The following ATG3 variants were observed in gnomAD, a reference collection of about 807,000 sequenced individuals.
The protein encoded by ATG3 is ubiquitin-like-conjugating enzyme ATG3.
In ATG3, 25 loss-of-function variants were observed where a neutral mutation model predicts 50.7. That is an observed-to-expected ratio of 0.49 (90% CI 0.36 to 0.69). The LOEUF is 0.69. ATG3 is among the 30% of genes least tolerant of loss of function. ATG3 has a pLI of 0.00. For synonymous variants in ATG3, 119 were observed against 125.5 expected, an observed-to-expected ratio of 0.95 and a Z score of 0.34; for missense variants, 281 against 376.0, an observed-to-expected ratio of 0.75 and a Z score of 2.09.
chr3:112,533,722 A>G (rs1388219816), intron 11 of ATG3: 1 of 985,280 alleles, frequency 1.0e-6, no homozygotes. Context: ...CTTGGGCATT[A>G]ACTTGAATGT....
rs182744613 is a variant in ATG3, at chr3:112,534,422, G to A, written c.795-85C>T. The A allele has an allele frequency of 1.7e-5, 19 of 1,133,854 alleles. No homozygotes were observed. In the African/African-American group the frequency reaches 2.0e-4, roughly 12 times the overall value. The allele number at this position is 1,133,854 out of a possible 1,614,324, so 70.2% of individuals were successfully genotyped here. A position where few individuals can be genotyped will look rare whatever the true frequency, so the allele number is the denominator to read the frequency against. Reference sequence around the variant, plus strand: ...ACATATTTTCATTTGTAAAGAAATCGACCCTATTACTCTCAGTGAATTAAT... The same window carrying A: ...ACATATTTTCATTTGTAAAGAAATCAACCCTATTACTCTCAGTGAATTAAT... On this transcript the variant is annotated intron_variant, in intron 10 of 11. Transcript: ENST00000283290.
intron 5 of ATG3, among the ~76,000 whole-genome samples, chr3:112,544,584 G>A (rs1933321247): frequency 7.1e-6 from 1 of 140,626 alleles, no homozygotes; most frequent in African/African-American, 2.5e-5. Flanking sequence ...GACCCGGAAG[G>A]TGGAGGTTGC....
chr3:112,542,001 T>C (rs1933244152), intron 6 of ATG3, 117 bp from the exon 7 acceptor site: 1 of 711,340 alleles, frequency 1.4e-6, no homozygotes, highest in Non-Finnish European at 2.2e-6. Flanking sequence ...AGGCAGTTCT[T>C]GTCCACAAAA....
chr3:112,538,416 G>C, intron 7 of ATG3: 2 of 432,082 alleles, frequency 4.6e-6, no homozygotes, highest in Non-Finnish European at 4.2e-6. Context: ...GTCCTCAGTG[G>C]CTCCACAGTG....
At chr3:112,542,046 A>G (rs1044211316) in intron 6 of ATG3, among the ~76,000 whole-genome samples, 162 bp from the exon 7 acceptor site, 1 of 152,204 alleles carries the variant, frequency 6.6e-6, no homozygotes, top group Non-Finnish European at 1.5e-5. Context: ...GAATTCATAT[A>G]TCAGTCATTA....
chr3:112,543,248 T>C (rs574571772), intron 6 of ATG3, among the ~76,000 whole-genome samples: 7 of 152,210 alleles, frequency 4.6e-5, no homozygotes, highest in African/African-American at 1.7e-4. Context: ...GTTAAAAAAA[T>C]AATTAAGACA....
Position 112,550,122 on chromosome 3 carries a change from G to A in ATG3, c.235+70C>T, listed in dbSNP as rs1255754548. On this transcript the variant is annotated intron_variant, in intron 4 of 11. Coordinates refer to ENST00000283290, the MANE Select transcript of ATG3 (RefSeq NM_022488.5). ...CTAAGGAAAAAATTTTCAAGCAATA[G>A]AAAAACCGAGAGCTTCATTTTAATA... is the stretch of plus-strand genomic sequence containing the variant. The A allele has an allele frequency of 3.4e-6, 4 of 1,170,478 alleles. No individual in the cohort carries two copies. The African/African-American group carries it at 6.3e-5, about 19-fold the overall frequency. 72.5% of individuals were successfully genotyped at this position (1,170,478 alleles called of 1,614,324 possible). A position where few individuals can be genotyped will look rare whatever the true frequency, so the allele number is the denominator to read the frequency against.
In ATG3 at chr3:112,551,394, T is replaced by C. The variant is rs146847569; in HGVS notation, c.165-1132A>G. On this transcript the variant is annotated intron_variant, in intron 3 of 11. Coordinates refer to ENST00000283290, the MANE Select transcript of ATG3 (RefSeq NM_022488.5). ...ACTTGTGCACGTGAAGGCATAAGCA[T>C]GGAAATAACCTGGCTCTAGTGCTGA... is the stretch of plus-strand genomic sequence containing the variant. 1.5e-3 allele frequency among the ~76,000 whole-genome samples: 227 copies of C among 152,344 alleles called. 2 individuals are homozygous for C. The highest frequency in any genetic ancestry group is 3.0e-3 in the Admixed American group (46 of 15,308).
intron 9 of ATG3, among the ~76,000 whole-genome samples, chr3:112,536,920 C>CAAAAAAAAAAAAAAA (rs56353465): frequency 1.5e-5 from 1 of 68,404 alleles, no homozygotes; most frequent in African/African-American, 6.3e-5. Flanking sequence ...GACTCCATCT[C>CAAAAAAAAAAAAAAA]AAAAAAAAAA....
chr3:112,539,595 T>C (rs1232166985), intron 7 of ATG3, among the ~76,000 whole-genome samples: 2 of 152,218 alleles, frequency 1.3e-5, no homozygotes, highest in Admixed American at 6.5e-5. Context: ...TTATAACTAA[T>C]ACTGTATATA....
rs1350977414 is a variant in ATG3, at chr3:112,543,848, A to G, written c.393+209T>C. 4 of 387,418 alleles carry G rather than the reference A, an allele frequency of 1.0e-5. No individual in the cohort carries two copies. The South Asian group carries it at 3.1e-4, about 30-fold the overall frequency. 24.0% of individuals were successfully genotyped at this position (387,418 alleles called of 1,614,324 possible). On this transcript the variant is annotated intron_variant, in intron 6 of 11. Transcript: ENST00000283290. ...AACCATACTACAAATTAAGGAAAATAAGAGATGCATTAGGCAGCAGTAGTG... is the reference window on the plus strand; with the variant it reads ...AACCATACTACAAATTAAGGAAAATGAGAGATGCATTAGGCAGCAGTAGTG...
intron 10 of ATG3, 189 bp from the exon 11 acceptor site, chr3:112,534,526 T>C (rs1052495582): frequency 3.2e-5 from 11 of 345,434 alleles, no homozygotes; most frequent in Non-Finnish European, 4.6e-5. Context: ...AGTTAAATTA[T>C]AAAATATCTC....
At chr3:112,540,037 G>A (rs1256963378) in intron 7 of ATG3, among the ~76,000 whole-genome samples, 1 of 152,186 alleles carries the variant, frequency 6.6e-6, no homozygotes, top group Non-Finnish European at 1.5e-5. Context: ...AGGGGGAAAT[G>A]AAACTGAAAT....
Position 112,545,480 on chromosome 3 carries a change from G to T in ATG3, c.344-1374C>A, listed in dbSNP as rs1013471535. Among the ~76,000 whole-genome samples, 14 of 152,286 alleles carry T rather than the reference G, an allele frequency of 9.2e-5. No individual in the cohort carries two copies. The South Asian group carries it at 2.7e-3, about 29-fold the overall frequency. On this transcript the variant is annotated intron_variant, in intron 5 of 11. Coordinates refer to ENST00000283290, the MANE Select transcript of ATG3 (RefSeq NM_022488.5). ...AATCTTCTAAAATTTTGAGATGTCTGTTCAACATGCCTAAACAAAATAAAT... is the reference window on the plus strand; with the variant it reads ...AATCTTCTAAAATTTTGAGATGTCTTTTCAACATGCCTAAACAAAATAAAT...
intron 2 of ATG3, among the ~76,000 whole-genome samples, chr3:112,556,995 G>C (rs1302304104): frequency 6.6e-6 from 1 of 150,642 alleles, no homozygotes; most frequent in East Asian, 1.9e-4. Context: ...CCCCCTCTGC[G>C]AGAAACACCC....
Position 112,561,850 on chromosome 3 carries a change from C to T in ATG3, c.-322G>A, listed in dbSNP as rs533438604. On this transcript the variant is annotated 5_prime_UTR_variant, in exon 1 of 12. Coordinates refer to ENST00000283290, the MANE Select transcript of ATG3 (RefSeq NM_022488.5). ...GAGAAGCGGACGCACACGCACCCCT[C>T]GCCCTCTGCGAGCTGTCTGTCCTCG... The T allele has an allele frequency of 8.5e-4, 307 of 359,328 alleles. No individual in the cohort carries two copies. Among genetic ancestry groups the T allele is most frequent in the Admixed American group, 1.2e-3 (23 of 19,232 alleles). The allele number at this position is 359,328 out of a possible 1,614,324, so 22.3% of individuals were successfully genotyped here. A position where few individuals can be genotyped will look rare whatever the true frequency, so the allele number is the denominator to read the frequency against.
intron 9 of ATG3, chr3:112,537,519 T>C (rs1933103185): frequency 5.3e-6 from 2 of 375,132 alleles, no homozygotes; most frequent in Non-Finnish European, 9.3e-6. Flanking sequence ...TAATAGATTA[T>C]TTCTGTTTAT....
rs940842670 is a variant in ATG3 at position 112,547,483 on chromosome 3, T to C, written c.343+1050A>G. Reference sequence around the variant, plus strand: ...ACTCAAAGGGAGAAAAATTTGTTTTTAGTATCATGGATTTAAACTTAGAGC... The same window carrying C: ...ACTCAAAGGGAGAAAAATTTGTTTTCAGTATCATGGATTTAAACTTAGAGC... On this transcript the variant is annotated intron_variant, in intron 5 of 11. Transcript: ENST00000283290. Among the ~76,000 whole-genome samples, 6 of 152,246 alleles carry C rather than the reference T, an allele frequency of 3.9e-5. No individual in the cohort carries two copies. The East Asian group carries it at 1.2e-3, about 29-fold the overall frequency.
intron 1 of ATG3, among the ~76,000 whole-genome samples, chr3:112,560,685 T>A (rs1933834571): frequency 6.6e-6 from 1 of 152,086 alleles, no homozygotes; most frequent in Non-Finnish European, 1.5e-5. Flanking sequence ...CCAAAAGAGT[T>A]ATAAAAGAAA....
Sources: gnomAD v4.1 joint callset for allele counts (sites outside exome capture counted in the v4.1 genomes callset) on GRCh38, gnomAD v4.1.1 for gene constraint, MANE v1.5 for transcripts, NCBI Gene and HGNC (gene_info 2026-07-23, HGNC 2026-07-21) for gene names.